PLXND1: variants seen among roughly 807,000 people sequenced by gnomAD.
PLXND1 encodes plexin-D1.
PLXND1 carries 54 observed loss-of-function variants against 197.7 expected under a neutral mutation model. The ratio of observed to expected loss-of-function variants is 0.27; its 90% CI spans 0.22 to 0.34. The LOEUF (loss-of-function observed/expected upper bound fraction) is 0.34, where lower values mean the gene tolerates loss of function less well. PLXND1 is among the 10% of genes least tolerant of loss of function. The probability of loss-of-function intolerance (pLI) is 1.00; values close to 1 mark genes in which losing one functional copy is unlikely to be tolerated. For synonymous variants in PLXND1, 1,180 were observed against 1,161.2 expected, an observed-to-expected ratio of 1.02 and a Z score of -0.33; for missense variants, 2,127 against 2,699.2, an observed-to-expected ratio of 0.79 and a Z score of 4.70.
At chr3:129,556,531 A>G in intron 35 of PLXND1, 86 bp downstream of exon 35, 1 of 1,332,420 alleles carries the variant, frequency 7.5e-7, no homozygotes, top group Non-Finnish European at 1.1e-6. Context: ...ACATCCGTCC[A>G]TTAGGGGCAA....
rs80040133 is a variant in PLXND1, at chr3:129,590,349, G to A, written c.1312-822C>T. Among the ~76,000 whole-genome samples the A allele has an allele frequency of 1.9e-4, 29 of 152,186 alleles. 1 individual carries two copies. In the East Asian group the frequency reaches 5.4e-3, roughly 28 times the overall value. ...TCCTACCTTCCCTCCCTTCTCCTGG[G>A]TCTTGGTATGTTCAAAGGTTCCTGG... On this transcript the variant is annotated intron_variant, in intron 1 of 35. Transcript: ENST00000324093.
chr3:129,597,398 C>A (rs952648099), intron 1 of PLXND1, among the ~76,000 whole-genome samples: 1 of 152,194 alleles, frequency 6.6e-6, no homozygotes, highest in Non-Finnish European at 1.5e-5. Context: ...ACAAAGATAG[C>A]GGGCAGAGGC....
At chr3:129,562,557 A>T (rs914224524) in intron 27 of PLXND1, 3 of 447,454 alleles carry the variant, frequency 6.7e-6, no homozygotes, top group Non-Finnish European at 7.9e-6. Context: ...CTCCTTTAGG[A>T]ATTAGGAAGC....
rs937183204 is a variant in PLXND1 at position 129,557,397 on chromosome 3, G to T, written c.5446-174C>A. Among the ~76,000 whole-genome samples the T allele has an allele frequency of 5.9e-5, 9 of 152,168 alleles. No individual in the cohort carries two copies. The highest frequency in any genetic ancestry group is 5.2e-4 in the Admixed American group (8 of 15,282). ...CCCGCACTCAGCCGGCCCCAGACCA[G>T]GGGCTCCTCACTGTGCTCTGTCTGC... On this transcript the variant is annotated intron_variant, in intron 33 of 35. Transcript: ENST00000324093. The surrounding 1 kb of genome is among the most constrained non-coding windows in gnomAD (Gnocchi z 4.8).
intron 1 of PLXND1, among the ~76,000 whole-genome samples, chr3:129,602,306 G>A (rs1454423908): frequency 6.6e-6 from 1 of 152,124 alleles, no homozygotes; most frequent in Non-Finnish European, 1.5e-5. Context: ...CTTGTGTCAT[G>A]TGCTTCCCAC....
rs200669031 is a variant in PLXND1, at chr3:129,560,738, A to T, written c.4994-15T>A. ...CAAGTCTTTCACTGTGAGAGGAAAA[A>T]CACAATAAATAAACACGGGAGAGGA... On this transcript the variant is annotated splice_polypyrimidine_tract_variant and intron_variant, in intron 29 of 35. Coordinates refer to ENST00000324093, the MANE Select transcript of PLXND1 (RefSeq NM_015103.3). 1 of 1,529,752 alleles carries T rather than the reference A, an allele frequency of 6.5e-7. No homozygotes were observed. The highest frequency in any genetic ancestry group is 1.4e-5 in the African/African-American group (1 of 72,920). 94.8% of individuals were successfully genotyped at this position (1,529,752 alleles called of 1,614,324 possible). A position where few individuals can be genotyped will look rare whatever the true frequency, so the allele number is the denominator to read the frequency against.
At chr3:129,563,936 C>G (rs1476191337) in intron 25 of PLXND1, among the ~76,000 whole-genome samples, 1 of 152,246 alleles carries the variant, frequency 6.6e-6, no homozygotes, top group African/African-American at 2.4e-5. Context: ...ACGAAGGCAG[C>G]CTGCCAGCCC....
At chr3:129,598,441 G>C (rs1035196958) in intron 1 of PLXND1, among the ~76,000 whole-genome samples, 4 of 152,066 alleles carry the variant, frequency 2.6e-5, no homozygotes, top group Non-Finnish European at 5.9e-5. Flanking sequence ...ATACTCTAGA[G>C]AGCTCCCCAC....
chr3:129,595,156 A>T (rs2085601977), intron 1 of PLXND1, among the ~76,000 whole-genome samples: 1 of 152,218 alleles, frequency 6.6e-6, no homozygotes, highest in Non-Finnish European at 1.5e-5. Flanking sequence ...GTCTCAGTCC[A>T]GCAGCCCAGC....
At chr3:129,600,306 T>G (rs2085688452) in intron 1 of PLXND1, among the ~76,000 whole-genome samples, 4 of 152,172 alleles carry the variant, frequency 2.6e-5, no homozygotes, top group Admixed American at 2.6e-4. Context: ...CTGAGGCCAG[T>G]TTTTTCTGGT....
chr3:129,559,845 C>T, intron 31 of PLXND1, 62 bp from the exon 32 acceptor site: 1 of 1,385,424 alleles, frequency 7.2e-7, no homozygotes, highest in Non-Finnish European at 9.7e-7. Context: ...TAGTGGGCAC[C>T]CTTGGTGGCT....
At position 129,571,160 on chromosome 3, in the gene PLXND1, C is replaced by A; in HGVS notation, c.3480G>T (p.Glu1160Asp). The change falls in exon 18 of 36, where the codon GAG (glutamate) becomes GAT (aspartate). Residue 1160 changes from glutamate to aspartate, a missense_variant. Around this residue, in one of 6 missense-constraint regions of PLXND1, gnomAD observed 532 missense variants for 811.0 expected, o/e 0.66. Transcript: ENST00000324093. ...VAVAEELLDP[E>D]EAQRGSRFRL... ...GGAACCTGCTGCCCCGCTGTGCCTC[C>A]TCGGGGTCCAGTAGCTCCTCAGCCA... is the stretch of plus-strand genomic sequence containing the variant. 6.2e-7 allele frequency: 1 copy of A among 1,614,222 alleles called. No homozygotes were observed. Among genetic ancestry groups the A allele is most frequent in the Non-Finnish European group, 8.5e-7 (1 of 1,180,034 alleles).
intron 1 of PLXND1, among the ~76,000 whole-genome samples, chr3:129,599,425 G>A (rs1373905706): frequency 6.6e-6 from 1 of 152,232 alleles, no homozygotes; most frequent in Non-Finnish European, 1.5e-5. Flanking sequence ...GTTGGCCCCA[G>A]GGTCCTGCAC....
Position 129,574,378 on chromosome 3 carries a change from C to T in PLXND1, c.2643G>A (p.Leu881=), listed in dbSNP as rs1035451586. ...WSDGCRLRGP[L]QPMAGTCPAP... is the part of the protein sequence containing the mutation. ...CGGGGCAGGTGCCAGCCATGGGCTG[C>T]AGAGGCCCCCGCAGGCGGCAGCCAT... Residue 881 remains leucine (L), a synonymous_variant, in exon 12 of 36, where the codon CTG becomes CTA. Transcript: ENST00000324093. 4 of 1,610,934 alleles carry T rather than the reference C, an allele frequency of 2.5e-6. No individual in the cohort carries two copies. The Admixed American group carries it at 6.7e-5, about 27-fold the overall frequency.
In PLXND1 at chr3:129,577,489, C is replaced by T. The variant is rs1360235994; in HGVS notation, c.2346+840G>A. 6.6e-6 allele frequency among the ~76,000 whole-genome samples: 1 copy of T among 151,978 alleles called. No individual in the cohort carries two copies. The highest frequency in any genetic ancestry group is 2.4e-5 in the African/African-American group (1 of 41,388). ...GCTTGAGGGCTGAGGGCAGGCCCCA[C>T]CCTAGCCCTCCCAGAGCTCCAGCCC... On this transcript the variant is annotated intron_variant, in intron 9 of 35. Coordinates refer to ENST00000324093, the MANE Select transcript of PLXND1 (RefSeq NM_015103.3). This position sits in a 1 kb window ranked among gnomAD's most constrained non-coding sequence, Gnocchi z 5.0.
rs374086160 is a variant in PLXND1 at position 129,561,783 on chromosome 3, G to C, written c.4929+17C>G. ...GGCATGAGGGTGGGGAAATGGGGGC[G>C]GGGGGCAGGGCTGCACCTTGTAATG... On this transcript the variant is annotated intron_variant, in intron 28 of 35. Transcript: ENST00000324093. 10 of 1,585,874 alleles carry C rather than the reference G, an allele frequency of 6.3e-6. No homozygotes were observed. The highest frequency in any genetic ancestry group is 1.1e-5 in the South Asian group (1 of 90,340).
At chr3:129,583,359 T>C (rs561733714) in intron 8 of PLXND1, among the ~76,000 whole-genome samples, 13 of 152,254 alleles carry the variant, frequency 8.5e-5, no homozygotes, top group African/African-American at 2.9e-4. Flanking sequence ...GCCCTGGCTA[T>C]ATCAAAATGC....
intron 1 of PLXND1, among the ~76,000 whole-genome samples, chr3:129,590,267 G>A (rs1019025826): frequency 7.9e-5 from 12 of 151,664 alleles, no homozygotes. Context: ...AATCAGCTGC[G>A]GCTCACAGGG....
At chr3:129,580,647 C>T (rs2085374374) in intron 8 of PLXND1, among the ~76,000 whole-genome samples, 1 of 152,048 alleles carries the variant, frequency 6.6e-6, no homozygotes, top group African/African-American at 2.4e-5. Context: ...TCCCCTTAGC[C>T]ACTTGTAACC....
Sources: allele counts gnomAD v4.1 joint callset (sites outside exome capture counted in the v4.1 genomes callset), GRCh38; gene constraint gnomAD v4.1.1; regional missense constraint gnomAD v4.1.1; non-coding constraint Gnocchi (gnomAD v3.1); transcripts MANE v1.5; gene names NCBI Gene and HGNC (gene_info 2026-07-23, HGNC 2026-07-21).